MAGI2: variants seen among roughly 807,000 people sequenced by gnomAD.
MAGI2 encodes membrane associated guanylate kinase, WW and PDZ domain containing 2.
Under a neutral mutation model 133.3 loss-of-function variants are expected in MAGI2, and 35 were observed. The observed-to-expected ratio is 0.26, with a 90% confidence interval of 0.20 to 0.35. The LOEUF (loss-of-function observed/expected upper bound fraction) is 0.35, where lower values mean the gene tolerates loss of function less well. MAGI2 is among the 10% of genes least tolerant of loss of function. MAGI2 has a pLI of 1.00. For synonymous variants in MAGI2, 729 were observed against 710.6 expected (o/e 1.03, Z -0.41); for missense variants, 1,636 against 1,863.4 (o/e 0.88, Z 2.25).
intron 1 of MAGI2, among the ~76,000 whole-genome samples, chr7:79,423,657 T>C (rs1238975044): frequency 6.6e-6 from 1 of 152,146 alleles, no homozygotes; most frequent in Non-Finnish European, 1.5e-5. Flanking sequence ...TTTCTTTCAA[T>C]ATCTGTTTTG....
intron 1 of MAGI2, among the ~76,000 whole-genome samples, chr7:79,160,017 C>A (rs1824202687): frequency 6.6e-6 from 1 of 151,976 alleles, no homozygotes; most frequent in Non-Finnish European, 1.5e-5. Flanking sequence ...AGCTCAGATG[C>A]CTTTTAATTC....
At chr7:78,920,096 A>C (rs1799113126) in intron 2 of MAGI2, among the ~76,000 whole-genome samples, 1 of 152,116 alleles carries the variant, frequency 6.6e-6, no homozygotes, top group African/African-American at 2.4e-5. Flanking sequence ...AATTTTTACT[A>C]AGCCTCTATG....
intron 1 of MAGI2, among the ~76,000 whole-genome samples, chr7:79,423,393 A>C (rs533088452): frequency 6.6e-6 from 1 of 152,044 alleles, no homozygotes; most frequent in South Asian, 2.1e-4. Context: ...CTTTTCATTT[A>C]ATATTAATTG....
At chr7:79,229,275 A>G (rs1261212657) in intron 1 of MAGI2, among the ~76,000 whole-genome samples, 1 of 152,120 alleles carries the variant, frequency 6.6e-6, no homozygotes, top group Non-Finnish European at 1.5e-5. Context: ...TCAGAACATT[A>G]TTGTTTTTTT....
chr7:79,322,257 A>C (rs1010143300), intron 1 of MAGI2, among the ~76,000 whole-genome samples: 1 of 152,146 alleles, frequency 6.6e-6, no homozygotes, highest in East Asian at 1.9e-4. Flanking sequence ...GAATCACATA[A>C]TTGTTAGTTA....
intron 2 of MAGI2, among the ~76,000 whole-genome samples, chr7:78,958,623 A>G (rs1322846617): frequency 2.0e-5 from 3 of 152,194 alleles, no homozygotes; most frequent in Non-Finnish European, 4.4e-5. Flanking sequence ...ATTGTGCTTA[A>G]CATTTCATCT....
At chr7:79,179,316 A>G (rs2129550223) in intron 1 of MAGI2, among the ~76,000 whole-genome samples, 1 of 152,072 alleles carries the variant, frequency 6.6e-6, no homozygotes, top group South Asian at 2.1e-4. Flanking sequence ...TCATGTAATG[A>G]CCACCACAAT....
At position 79,016,974 on chromosome 7, in the gene MAGI2, C is replaced by T. The variant is rs576419856; in HGVS notation, c.302-9768G>A. ...ATGCAAATGCATGCACGGACACTGG[C>T]GAGGCCCCGTGCATCTCCACATAGT... On this transcript the variant is annotated intron_variant, in intron 1 of 21. Coordinates refer to ENST00000354212, the MANE Select transcript of MAGI2 (RefSeq NM_012301.4). Among the ~76,000 whole-genome samples, 76 of 152,362 alleles carry T rather than the reference C, an allele frequency of 5.0e-4. 1 individual carries two copies. Among genetic ancestry groups the T allele is most frequent in the Admixed American group, 2.7e-3 (41 of 15,310 alleles).
chr7:78,502,594 G>A (rs1162270574), intron 4 of MAGI2, among the ~76,000 whole-genome samples: 7 of 146,424 alleles, frequency 4.8e-5, no homozygotes, highest in Admixed American at 2.7e-4. Context: ...ATTATTTGTT[G>A]TTCTTAATCT....
At chr7:78,662,199 A>G (rs1036515142) in intron 2 of MAGI2, among the ~76,000 whole-genome samples, 4 of 152,198 alleles carry the variant, frequency 2.6e-5, no homozygotes, top group Non-Finnish European at 4.4e-5. Flanking sequence ...TACTTTATTT[A>G]TAAATGAAAT....
chr7:78,586,024 A>C (rs1196164543), intron 3 of MAGI2, among the ~76,000 whole-genome samples: 20 of 152,184 alleles, frequency 1.3e-4, no homozygotes, highest in Admixed American at 1.3e-3. Flanking sequence ...AAGTAGACTC[A>C]TATACTGGCT....
chr7:79,028,527 A>G (rs1413640644), intron 1 of MAGI2, among the ~76,000 whole-genome samples: 5 of 151,738 alleles, frequency 3.3e-5, no homozygotes, highest in Non-Finnish European at 1.5e-5. Context: ...ATAGTTTTAT[A>G]CTGTCCAATG....
intron 1 of MAGI2, among the ~76,000 whole-genome samples, chr7:79,098,194 A>G (rs1461542876): frequency 6.6e-6 from 1 of 152,118 alleles, no homozygotes; most frequent in Non-Finnish European, 1.5e-5. Flanking sequence ...TGTGTGTAAT[A>G]GTTGGAGCTT....
At chr7:78,986,023 A>C (rs1309429759) in intron 2 of MAGI2, among the ~76,000 whole-genome samples, 1 of 152,058 alleles carries the variant, frequency 6.6e-6, no homozygotes. Flanking sequence ...TTTGTCACAT[A>C]CTATCAGTTA....
chr7:78,221,799 C>A (rs551144914), intron 10 of MAGI2, among the ~76,000 whole-genome samples: 1 of 151,500 alleles, frequency 6.6e-6, no homozygotes, highest in Non-Finnish European at 1.5e-5. Context: ...TCAGGACCAG[C>A]CTAGGCAACT....
intron 9 of MAGI2, among the ~76,000 whole-genome samples, chr7:78,313,219 G>A (rs1294224937): frequency 6.6e-6 from 1 of 151,956 alleles, no homozygotes; most frequent in Non-Finnish European, 1.5e-5. Flanking sequence ...GTGTGGTGAA[G>A]GATGACAAAT....
At chr7:78,266,947 G>C (rs774679763) in intron 9 of MAGI2, among the ~76,000 whole-genome samples, 1 of 152,108 alleles carries the variant, frequency 6.6e-6, no homozygotes, top group Admixed American at 6.6e-5. Flanking sequence ...TTTGAAAAAA[G>C]GTACTGTTTG....
At chr7:79,418,669 A>G (rs1348152104) in intron 1 of MAGI2, among the ~76,000 whole-genome samples, 1 of 151,966 alleles carries the variant, frequency 6.6e-6, no homozygotes, top group Non-Finnish European at 1.5e-5. Flanking sequence ...GACTAGAACA[A>G]TGACCCACTG....
intron 6 of MAGI2, among the ~76,000 whole-genome samples, chr7:78,432,086 T>C (rs1799846422): frequency 6.6e-6 from 1 of 151,962 alleles, no homozygotes; most frequent in African/African-American, 2.4e-5. Context: ...AATTTCTTCA[T>C]ACAACACATG....
Sources: gnomAD v4.1 joint callset for allele counts (sites outside exome capture counted in the v4.1 genomes callset) on GRCh38, gnomAD v4.1.1 for gene constraint, MANE v1.5 for transcripts, NCBI Gene and HGNC (gene_info 2026-07-23, HGNC 2026-07-21) for gene names.